MARCHF6: variants seen among roughly 807,000 people sequenced by gnomAD.
The protein encoded by MARCHF6 is membrane associated ring-CH-type finger 6, also known as E3 ubiquitin-protein ligase MARCHF6.
Under a neutral mutation model 133.7 loss-of-function variants are expected in MARCHF6, and 31 were observed. That is an observed-to-expected ratio of 0.23 (90% CI 0.17 to 0.31). The LOEUF (loss-of-function observed/expected upper bound fraction) is 0.31. MARCHF6 is among the 10% of genes least tolerant of loss of function. MARCHF6 has a pLI of 1.00. For synonymous variants in MARCHF6, 395 were observed against 402.5 expected (o/e 0.98, Z 0.22); for missense variants, 723 against 1,121.6 (o/e 0.64, Z 5.08).
intron 22 of MARCHF6, among the ~76,000 whole-genome samples, chr5:10,419,135 C>T (rs568361341): frequency 7.9e-5 from 12 of 152,196 alleles, no homozygotes; most frequent in Admixed American, 7.9e-4. Context: ...ACAGAACTGA[C>T]TTGTGTTTTG....
chr5:10,425,191 A>C (rs1740018640), intron 23 of MARCHF6, among the ~76,000 whole-genome samples: 1 of 152,200 alleles, frequency 6.6e-6, no homozygotes, highest in Non-Finnish European at 1.5e-5. Flanking sequence ...TCTTAGGAGT[A>C]GGGGGGTTAG....
rs778318647 is a variant in MARCHF6 at position 10,433,658 on chromosome 5, C to A, written c.2707C>A (p.Pro903Thr). The change falls in exon 26 of 26, where the codon CCA becomes ACA. Residue 903 changes from proline to threonine, a missense_variant. Coordinates refer to ENST00000274140, the MANE Select transcript of MARCHF6 (RefSeq NM_005885.4). Reference sequence around the variant, plus strand: ...ATCTGGCAAACAAGGCTCATCTCCACCACCTCCACAGTCATCCCAAGAATA... The same window carrying A: ...ATCTGGCAAACAAGGCTCATCTCCAACACCTCCACAGTCATCCCAAGAATA... The part of the protein sequence containing the change: ...RKSGKQGSSP[P>T]PPQSSQE 2 of 1,614,064 alleles carry A rather than the reference C, an allele frequency of 1.2e-6. No homozygotes were observed. The highest frequency in any genetic ancestry group is 2.7e-5 in the African/African-American group (2 of 74,934).
chr5:10,397,768 C>T (rs974301542), intron 10 of MARCHF6, among the ~76,000 whole-genome samples: 21 of 152,070 alleles, frequency 1.4e-4, no homozygotes, highest in Non-Finnish European at 7.4e-5. Context: ...TGAGTGTAGG[C>T]TTGTGGGAAG....
intron 1 of MARCHF6, among the ~76,000 whole-genome samples, chr5:10,356,659 A>G (rs979615402): frequency 5.9e-5 from 9 of 152,014 alleles, no homozygotes; most frequent in Admixed American, 5.9e-4. Context: ...ACCTCCCAAA[A>G]TGCTGGGATT....
chr5:10,360,440 T>A (rs1488399776), intron 1 of MARCHF6, among the ~76,000 whole-genome samples: 1 of 152,072 alleles, frequency 6.6e-6, no homozygotes, highest in African/African-American at 2.4e-5. Flanking sequence ...CGCCCGGCTG[T>A]ATGTGGATTT....
chr5:10,382,784 G>C (rs911639158), intron 4 of MARCHF6, among the ~76,000 whole-genome samples: 5 of 152,138 alleles, frequency 3.3e-5, no homozygotes, highest in African/African-American at 1.2e-4. Flanking sequence ...CTGAGATCAT[G>C]CCACTGCATT....
intron 24 of MARCHF6, among the ~76,000 whole-genome samples, chr5:10,427,366 C>G (rs1579621742): frequency 6.6e-6 from 1 of 152,212 alleles, no homozygotes; most frequent in African/African-American, 2.4e-5. Context: ...CTTTGGTGAA[C>G]ATTTTTTTCA....
intron 1 of MARCHF6, among the ~76,000 whole-genome samples, chr5:10,377,326 G>A (rs1736850734): frequency 6.6e-6 from 1 of 152,150 alleles, no homozygotes; most frequent in Admixed American, 6.5e-5. Flanking sequence ...CACTCTTGTG[G>A]GGTGGGGTGA....
intron 20 of MARCHF6, among the ~76,000 whole-genome samples, chr5:10,415,084 G>GT (rs1334245811): frequency 1.4e-4 from 21 of 152,268 alleles, no homozygotes; most frequent in African/African-American, 5.1e-4. Flanking sequence ...TATTTGTAAT[G>GT]TTTCTACATA....
intron 18 of MARCHF6, among the ~76,000 whole-genome samples, chr5:10,410,897 G>T (rs1307523553): frequency 6.6e-6 from 1 of 152,126 alleles, no homozygotes; most frequent in African/African-American, 2.4e-5. Context: ...GTAGCTACAT[G>T]TTGCAGTAGT....
chr5:10,367,227 G>T (rs1317596986), intron 1 of MARCHF6, among the ~76,000 whole-genome samples: 5 of 152,106 alleles, frequency 3.3e-5, no homozygotes, highest in Admixed American at 6.6e-5. Flanking sequence ...GTAGATCCTA[G>T]AACAGAAAAG....
At position 10,405,618 on chromosome 5, in the gene MARCHF6, G is replaced by A. The variant is rs958017041; in HGVS notation, c.1393G>A (p.Val465Ile). The part of the protein sequence containing the change: ...RNLNDPDFNP[V>I]QEMIHLPIYR... ...TTTGAATGATCCAGATTTCAATCCA[G>A]TACAGGAAATGATCCATTTGCCAAT... Residue 465 changes from valine to isoleucine, a missense_variant, in exon 16 of 26, where the codon GTA (valine) becomes ATA (isoleucine). By Grantham distance (29) the Val-to-Ile change is conservative (BLOSUM62 3). This residue lies in a region of MARCHF6 where 492 missense variants were observed against 699.5 expected (regional missense o/e 0.70). Transcript: ENST00000274140. 3 of 1,610,310 alleles carry A rather than the reference G, an allele frequency of 1.9e-6. No individual in the cohort carries two copies. The highest frequency in any genetic ancestry group is 2.5e-6 in the Non-Finnish European group (3 of 1,178,624).
chr5:10,354,621 T>C (rs1160309317), intron 1 of MARCHF6: 7 of 152,246 alleles, frequency 4.6e-5, no homozygotes, highest in East Asian at 3.8e-4. Flanking sequence ...ACTTAAGATA[T>C]AAACGTCCAC....
intron 1 of MARCHF6, among the ~76,000 whole-genome samples, chr5:10,375,323 C>T (rs1256384134): frequency 2.6e-5 from 4 of 152,256 alleles, no homozygotes; most frequent in Admixed American, 6.5e-5. Flanking sequence ...AGAGGGTGTA[C>T]TGGGTCCCCC....
chr5:10,397,659 T>A (rs1426643139), intron 10 of MARCHF6, among the ~76,000 whole-genome samples: 1 of 152,132 alleles, frequency 6.6e-6, no homozygotes, highest in African/African-American at 2.4e-5. Flanking sequence ...TTATGCTGAT[T>A]GTGTGTGCTC....
At chr5:10,380,562 T>G (rs1216582466) in intron 3 of MARCHF6, among the ~76,000 whole-genome samples, 1 of 152,212 alleles carries the variant, frequency 6.6e-6, no homozygotes, top group East Asian at 1.9e-4. Flanking sequence ...TATTCCTGGT[T>G]TTAATGACTT....
chr5:10,354,748 T>C (rs2126623509), intron 1 of MARCHF6: 1 of 152,354 alleles, frequency 6.6e-6, no homozygotes, highest in South Asian at 2.1e-4. Context: ...ATTTTGCTTT[T>C]TTTGATGTTC....
intron 25 of MARCHF6, among the ~76,000 whole-genome samples, chr5:10,432,727 A>G (rs977927273): frequency 5.9e-5 from 9 of 152,138 alleles, no homozygotes; most frequent in Non-Finnish European, 1.0e-4. Context: ...CATCACATAC[A>G]TAAGTTAGGA....
At position 10,436,365 on chromosome 5, in the gene MARCHF6, A is replaced by G. The variant is rs1249236487; in HGVS notation, c.*2681A>G. ...TATTTTCATAGGGAAAGCATTTTCC[A>G]GCATAATATTTGCTTGGGTAGCATC... On this transcript the variant is annotated 3_prime_UTR_variant, in exon 26 of 26. Coordinates refer to ENST00000274140, the MANE Select transcript of MARCHF6 (RefSeq NM_005885.4). 6.6e-6 allele frequency: 1 copy of G among 152,204 alleles called. No homozygotes were observed. Among genetic ancestry groups the G allele is most frequent in the African/African-American group, 2.4e-5 (1 of 41,464 alleles). 9.4% of individuals were successfully genotyped at this position (152,204 alleles called of 1,614,324 possible).
Sources: gnomAD v4.1 joint callset for allele counts (sites outside exome capture counted in the v4.1 genomes callset) on GRCh38, gnomAD v4.1.1 for gene constraint, gnomAD v4.1.1 regional missense constraint, MANE v1.5 for transcripts, NCBI Gene and HGNC (gene_info 2026-07-23, HGNC 2026-07-21) for gene names.